The following CUBN variants were observed in gnomAD, a reference collection of about 807,000 sequenced individuals.
CUBN encodes the protein 460 kDa receptor.
A neutral mutation model predicts 405.3 loss-of-function variants in CUBN; 282 were observed. The ratio of observed to expected loss-of-function variants is 0.70; its 90% CI spans 0.63 to 0.77. The LOEUF (loss-of-function observed/expected upper bound fraction) is 0.77, where lower values mean the gene tolerates loss of function less well. CUBN is among the 30% of genes least tolerant of loss of function. The pLI, the probability that CUBN is intolerant of heterozygous loss-of-function variation, is 0.00. For missense variants in CUBN, 4,514 were observed against 4,475.2 expected (o/e 1.01, Z -0.25); for synonymous variants, 1,684 against 1,617.0 (o/e 1.04, Z -0.99).
intron 27 of CUBN, among the ~76,000 whole-genome samples, chr10:17,035,075 T>C (rs1339705212): frequency 1.5e-5 from 1 of 68,480 alleles, no homozygotes. Flanking sequence ...TATAAACCTA[T>C]GGATAAAAAA....
intron 31 of CUBN, among the ~76,000 whole-genome samples, chr10:16,963,071 A>T (rs1265523177): frequency 6.6e-6 from 1 of 152,060 alleles, no homozygotes; most frequent in Non-Finnish European, 1.5e-5. Flanking sequence ...TATTGTAAAG[A>T]TCAAATAAGA....
chr10:17,109,074 T>A (rs1215529120), intron 10 of CUBN, among the ~76,000 whole-genome samples: 4 of 152,268 alleles, frequency 2.6e-5, no homozygotes, highest in African/African-American at 9.6e-5. Context: ...TATGTATTTT[T>A]ATACACTGTC....
At chr10:17,105,359 C>T (rs1836600915) in intron 11 of CUBN, 98 bp downstream of exon 11, 1 of 807,706 alleles carries the variant, frequency 1.2e-6, no homozygotes, top group South Asian at 1.3e-5. Flanking sequence ...AAACTTGACT[C>T]ATTATCTTGA....
chr10:16,866,069 C>A (rs1439347013), intron 59 of CUBN, among the ~76,000 whole-genome samples: 7 of 152,128 alleles, frequency 4.6e-5, no homozygotes, highest in African/African-American at 1.4e-4. Flanking sequence ...ACCCCTCAGT[C>A]TCTCCTTGGC....
chr10:16,847,731 T>C (rs1839560743), intron 60 of CUBN, among the ~76,000 whole-genome samples: 1 of 152,216 alleles, frequency 6.6e-6, no homozygotes, highest in Non-Finnish European at 1.5e-5. Context: ...CACAATTCAC[T>C]ACGTGATTCA....
intron 31 of CUBN, among the ~76,000 whole-genome samples, chr10:16,965,413 T>C (rs1177830313): frequency 6.6e-6 from 1 of 152,200 alleles, no homozygotes; most frequent in Non-Finnish European, 1.5e-5. Context: ...GTGGACGTGA[T>C]GCAGAGCACT....
intron 60 of CUBN, among the ~76,000 whole-genome samples, chr10:16,843,540 C>T (rs534355408): frequency 6.6e-6 from 1 of 152,264 alleles, no homozygotes; most frequent in Admixed American, 6.5e-5. Flanking sequence ...TAATCTTCAC[C>T]CCTTTGTTTC....
chr10:16,946,899 T>C (rs1439818409), intron 36 of CUBN, among the ~76,000 whole-genome samples: 1 of 152,020 alleles, frequency 6.6e-6, no homozygotes, highest in Non-Finnish European at 1.5e-5. Context: ...TCTGCTGGAA[T>C]AAACAATACT....
chr10:17,102,949 G>A (rs1330305741), intron 13 of CUBN, among the ~76,000 whole-genome samples, 176 bp downstream of exon 13: 1 of 151,860 alleles, frequency 6.6e-6, no homozygotes, highest in Non-Finnish European at 1.5e-5. Flanking sequence ...TTAATGTAAG[G>A]TTATGAAAAG....
At chr10:16,871,110 C>T (rs1840339961) in intron 58 of CUBN, among the ~76,000 whole-genome samples, 1 of 151,976 alleles carries the variant, frequency 6.6e-6, no homozygotes, top group Non-Finnish European at 1.5e-5. Flanking sequence ...TCACTGCAAC[C>T]TCTGCCTCCC....
chr10:17,028,729 A>T (rs1037080432), intron 27 of CUBN, among the ~76,000 whole-genome samples: 5 of 147,932 alleles, frequency 3.4e-5, no homozygotes, highest in Non-Finnish European at 5.9e-5. Context: ...TCAAAAAAAA[A>T]AAGAAAGAAA....
At chr10:16,905,873 G>C (rs897098769) in intron 50 of CUBN, among the ~76,000 whole-genome samples, 5 of 152,146 alleles carry the variant, frequency 3.3e-5, no homozygotes, top group Non-Finnish European at 5.9e-5. Flanking sequence ...AGCACTTTGG[G>C]AGGCCAAAGA....
chr10:17,097,833 T>A (rs1201496909), intron 14 of CUBN, among the ~76,000 whole-genome samples: 1 of 152,170 alleles, frequency 6.6e-6, no homozygotes, highest in Non-Finnish European at 1.5e-5. Flanking sequence ...CATGATTTTT[T>A]AAAATTCTTG....
rs1842616789 is a variant in CUBN at position 16,940,206 on chromosome 10, T to C, written c.5374A>G (p.Ser1792Gly). ...SFQLEDSQDC[S>G]RDFVEIREGN... Reference sequence around the variant, plus strand: ...TCACGGATCTCCACAAAATCTCTGCTGCAGTCCTGAGAGTCTTCCAACTGG... The same window carrying C: ...TCACGGATCTCCACAAAATCTCTGCCGCAGTCCTGAGAGTCTTCCAACTGG... The change falls in exon 37 of 67, where the codon AGC becomes GGC. Residue 1792 changes from serine to glycine, a missense_variant. This residue lies in a region of CUBN where 1,613 missense variants were observed against 1,542.8 expected (regional missense o/e 1.05). Transcript: ENST00000377833. 1.2e-6 allele frequency: 2 copies of C among 1,614,150 alleles called. No homozygotes were observed. The highest frequency in any genetic ancestry group is 1.7e-6 in the Non-Finnish European group (2 of 1,179,990).
rs765482084 is a variant in CUBN, at chr10:16,950,013, C to T, written c.5068G>A (p.Ala1690Thr). The change falls in exon 34 of 67, where the codon GCG becomes ACG. Residue 1690 changes from alanine (A) to threonine (T), a missense_variant. By Grantham distance (58) the Ala-to-Thr change is moderately conservative (BLOSUM62 0). This residue lies in a region of CUBN where 1,613 missense variants were observed against 1,542.8 expected (regional missense o/e 1.05). Transcript: ENST00000377833. ...VEILDGGHEDAPLRGRYCGTD... is the reference protein window; with the variant it reads ...VEILDGGHEDTPLRGRYCGTD... ...AACGCTGAGGTACCTCGGAGGGGCGCGTCTTCGTGGCCGCCATCCAAAATT... is the reference window on the plus strand; with the variant it reads ...AACGCTGAGGTACCTCGGAGGGGCGTGTCTTCGTGGCCGCCATCCAAAATT... 1.7e-5 allele frequency: 28 copies of T among 1,613,206 alleles called. No individual in the cohort carries two copies. In the East Asian group the frequency reaches 1.8e-4, roughly 10 times the overall value.
chr10:16,844,816 A>AG (rs1193431428), intron 60 of CUBN, among the ~76,000 whole-genome samples: 3 of 152,202 alleles, frequency 2.0e-5, no homozygotes, highest in Middle Eastern at 3.2e-3. Context: ...AATGCGTTGC[A>AG]GGGGACGCCC....
chr10:17,128,561 C>T (rs780644748), intron 2 of CUBN, among the ~76,000 whole-genome samples: 2 of 152,202 alleles, frequency 1.3e-5, no homozygotes, highest in Admixed American at 6.5e-5. Context: ...TACTTCCTCG[C>T]ATCCCCTGTG....
intron 22 of CUBN, among the ~76,000 whole-genome samples, chr10:17,062,387 GA>G (rs1236879905): frequency 6.6e-6 from 1 of 152,132 alleles, no homozygotes; most frequent in East Asian, 1.9e-4. Flanking sequence ...CATGTTAATA[GA>G]ATATAAAATT....
rs550557927 is a variant in CUBN at position 16,845,656 on chromosome 10, T to C, written c.9664-4609A>G. The stretch of plus-strand genomic sequence containing the variant: ...TTCTTCTCTAGTTCTTGCAGCAATG[T>C]CTAGAATATAGTAGGTATGCTAATT... On this transcript the variant is annotated intron_variant, in intron 60 of 66. Coordinates refer to ENST00000377833, the MANE Select transcript of CUBN (RefSeq NM_001081.4). 3.3e-5 allele frequency among the ~76,000 whole-genome samples: 5 copies of C among 152,350 alleles called. No individual in the cohort carries two copies. In the South Asian group the frequency reaches 1.0e-3, roughly 32 times the overall value.
Sources: gnomAD v4.1 joint callset for allele counts (sites outside exome capture counted in the v4.1 genomes callset) on GRCh38, gnomAD v4.1.1 for gene constraint, gnomAD v4.1.1 regional missense constraint, MANE v1.5 for transcripts, NCBI Gene and HGNC (gene_info 2026-07-23, HGNC 2026-07-21) for gene names.